The following LRRIQ1 variants were observed in gnomAD, a reference collection of about 807,000 sequenced individuals.
LRRIQ1 encodes the protein leucine-rich repeat- and IQ domain-containing protein 1.
A neutral mutation model predicts 211.9 loss-of-function variants in LRRIQ1; 210 were observed. That is an observed-to-expected ratio of 0.99 (90% CI 0.89 to 1.11). The LOEUF is 1.11. Among genes scored for constraint, LRRIQ1 ranks in the 50% most tolerant of loss-of-function variants. The pLI is 0.00. For missense variants in LRRIQ1, 2,136 were observed against 1,939.5 expected (o/e 1.10, Z -1.90); for synonymous variants, 699 against 650.1 (o/e 1.08, Z -1.14).
chr12:85,208,843 A>G (rs1893694440), intron 24 of LRRIQ1, among the ~76,000 whole-genome samples: 1 of 152,140 alleles, frequency 6.6e-6, no homozygotes, highest in Non-Finnish European at 1.5e-5. Flanking sequence ...TATAAACTTG[A>G]CATTTTCTTA....
At chr12:85,087,871 A>G (rs937429723) in intron 11 of LRRIQ1, among the ~76,000 whole-genome samples, 3 of 152,196 alleles carry the variant, frequency 2.0e-5, no homozygotes, top group African/African-American at 7.2e-5. Flanking sequence ...GTAGATTGCA[A>G]AAATGTTCTC....
chr12:85,113,907 T>TTGTGTGTGTGTGTGTGTGTGTG (rs71076112), intron 15 of LRRIQ1, among the ~76,000 whole-genome samples: 20 of 140,866 alleles, frequency 1.4e-4, no homozygotes, highest in Non-Finnish European at 1.7e-4. Flanking sequence ...CAAATGAGTT[T>TTGTGTGTGTGTGTGTGTGTGTG]TGTGTGTGTG....
At chr12:85,169,806 T>G (rs1891323688) in intron 24 of LRRIQ1, among the ~76,000 whole-genome samples, 2 of 152,178 alleles carry the variant, frequency 1.3e-5, no homozygotes, top group Non-Finnish European at 1.5e-5. Flanking sequence ...GCTCCAACAA[T>G]AGTATGGAAG....
chr12:85,187,326 G>A (rs775172881), intron 24 of LRRIQ1, among the ~76,000 whole-genome samples: 2 of 152,098 alleles, frequency 1.3e-5, no homozygotes, highest in Non-Finnish European at 2.9e-5. Context: ...GTTATTTTAA[G>A]TTAAATTATA....
At chr12:85,080,259 TACCTTAATATTC>T (rs1884135971) in intron 11 of LRRIQ1, among the ~76,000 whole-genome samples, 1 of 152,030 alleles carries the variant, frequency 6.6e-6, no homozygotes, top group African/African-American at 2.4e-5. Flanking sequence ...CCATTTTGGT[TACCTTAATATTC>T]ACTCTGTCTG....
intron 15 of LRRIQ1, among the ~76,000 whole-genome samples, chr12:85,106,875 G>A (rs1225938989): frequency 6.6e-6 from 1 of 152,106 alleles, no homozygotes; most frequent in African/African-American, 2.4e-5. Flanking sequence ...CAAGTTTAGT[G>A]TGATATTAAC....
chr12:85,194,875 A>T (rs991329364), intron 24 of LRRIQ1, among the ~76,000 whole-genome samples: 16 of 152,142 alleles, frequency 1.1e-4, no homozygotes, highest in Non-Finnish European at 1.6e-4. Flanking sequence ...AAAATTAATG[A>T]ATCCAGGAGC....
intron 11 of LRRIQ1, among the ~76,000 whole-genome samples, chr12:85,085,160 G>T (rs1270719254): frequency 1.3e-5 from 2 of 152,020 alleles, no homozygotes; most frequent in Admixed American, 1.3e-4. Context: ...GTATTAGTCT[G>T]TTTTCACAGT....
intron 17 of LRRIQ1, 188 bp downstream of exon 17, chr12:85,124,707 A>G (rs1024959430): frequency 9.5e-6 from 5 of 524,786 alleles, no homozygotes; most frequent in Non-Finnish European, 1.7e-5. Context: ...ATTATAGTGC[A>G]TATTAATTTG....
Position 85,056,994 on chromosome 12 carries a change from T to C in LRRIQ1, c.2201T>C (p.Leu734Pro). ...SMTCCVSEST[L>P]LYSIEERRLA... ...ACCTGCTGTGTATCAGAGTCAACCC[T>C]TCTATATTCTATTGAAGAAAGGAGA... The change falls in exon 8 of 27, where the codon CTT becomes CCT. Residue 734 changes from leucine (L) to proline (P), a missense_variant. By Grantham distance (98) the Leu-to-Pro change is moderately conservative (BLOSUM62 -3). Transcript: ENST00000393217. 6.2e-7 allele frequency: 1 copy of C among 1,606,806 alleles called. No homozygotes were observed. Among genetic ancestry groups the C allele is most frequent in the Non-Finnish European group, 8.5e-7 (1 of 1,177,682 alleles).
At chr12:85,133,302 G>A (rs569198359) in intron 18 of LRRIQ1, among the ~76,000 whole-genome samples, 44 of 152,132 alleles carry the variant, frequency 2.9e-4, no homozygotes, top group African/African-American at 1.0e-3. Flanking sequence ...TAAAAAGAAA[G>A]TTGTATCAGT....
chr12:85,163,187 C>T (rs1157757183), intron 24 of LRRIQ1, among the ~76,000 whole-genome samples: 1 of 152,148 alleles, frequency 6.6e-6, no homozygotes, highest in Non-Finnish European at 1.5e-5. Context: ...TTCTGAGATA[C>T]AACTTTATTA....
intron 24 of LRRIQ1, among the ~76,000 whole-genome samples, chr12:85,213,969 A>G (rs972506122): frequency 6.6e-6 from 1 of 151,982 alleles, no homozygotes. Context: ...GATGATACCA[A>G]CTGTAAAGCT....
At chr12:85,134,361 TG>T (rs1888975383) in intron 18 of LRRIQ1, among the ~76,000 whole-genome samples, 1 of 152,094 alleles carries the variant, frequency 6.6e-6, no homozygotes, top group Non-Finnish European at 1.5e-5. Flanking sequence ...CTGTTATTTT[TG>T]TCCATAGCAT....
At chr12:85,260,819 G>T (rs1175158662) in intron 1 of LRRIQ1, among the ~76,000 whole-genome samples, 1 of 152,230 alleles carries the variant, frequency 6.6e-6, no homozygotes, top group African/African-American at 2.4e-5. Context: ...CAAGCTATAG[G>T]TTTCCAATGT....
chr12:85,037,674 G>T (rs940794094), intron 1 of LRRIQ1, among the ~76,000 whole-genome samples: 2 of 151,982 alleles, frequency 1.3e-5, no homozygotes, highest in Admixed American at 1.3e-4. Flanking sequence ...AGGTGGAAAG[G>T]TCAGGCCCTT....
chr12:85,238,329 A>G (rs1178452968), intron 26 of LRRIQ1, among the ~76,000 whole-genome samples: 1 of 152,058 alleles, frequency 6.6e-6, no homozygotes, highest in Non-Finnish European at 1.5e-5. Flanking sequence ...ATTAGAGATG[A>G]AAAAATATGT....
chr12:85,270,767 T>C, the LRRIQ1 span, among the ~76,000 whole-genome samples: 1 of 152,170 alleles, frequency 6.6e-6, no homozygotes, highest in African/African-American at 2.4e-5. Context: ...TATTTACTCC[T>C]ACCCTTGGAG....
chr12:85,245,106 CT>C, downstream of LRRIQ1: 2 of 1,196,134 alleles, frequency 1.7e-6, no homozygotes, highest in Non-Finnish European at 2.2e-6. Flanking sequence ...CTAAAATTAA[CT>C]GCATCAGTTT....
Sources: allele counts gnomAD v4.1 joint callset (sites outside exome capture counted in the v4.1 genomes callset), GRCh38; gene constraint gnomAD v4.1.1; transcripts MANE v1.5; gene names NCBI Gene and HGNC (gene_info 2026-07-23, HGNC 2026-07-21).